Variants in CXXC4 observed in about 807,000 individuals in gnomAD.
CXXC4 encodes the protein CXXC-type zinc finger protein 4.
CXXC4 carries 5 observed loss-of-function variants against 20.5 expected under a neutral mutation model. The observed-to-expected ratio is 0.24, with a 90% confidence interval of 0.13 to 0.51. The LOEUF is 0.51. Ranked by LOEUF, CXXC4 falls within the 20% of genes least tolerant of loss-of-function variation. The pLI is 0.97. For missense variants in CXXC4, 419 were observed against 496.4 expected (o/e 0.84, Z 1.48); for synonymous variants, 250 against 216.4 (o/e 1.16, Z -1.36).
At chr4:104,473,114 GTAAT>G (rs1185032835) in intron 2 of CXXC4, among the ~76,000 whole-genome samples, 1 of 149,246 alleles carries the variant, frequency 6.7e-6, no homozygotes, top group African/African-American at 2.6e-5. Context: ...ATTCAGTTAA[GTAAT>G]TTATTCTGCA....
Position 104,472,141 on chromosome 4 carries a change from T to A in CXXC4, c.*181A>T. On this transcript the variant is annotated 3_prime_UTR_variant, in exon 3 of 3. Coordinates refer to ENST00000394767, the MANE Select transcript of CXXC4 (RefSeq NM_025212.4). The stretch of plus-strand genomic sequence containing the variant: ...CTGGCCAATTCTCCAAGCTCTCACA[T>A]TATTTTTATGTCTTTTTCTTTTCTT... 4.8e-6 allele frequency: 2 copies of A among 416,256 alleles called. No individual in the cohort carries two copies. Among genetic ancestry groups the A allele is most frequent in the Middle Eastern group, 6.5e-4 (1 of 1,532 alleles). The allele number at this position is 416,256 out of a possible 1,614,324, so 25.8% of individuals were successfully genotyped here. A position where few individuals can be genotyped will look rare whatever the true frequency, so the allele number is the denominator to read the frequency against.
intron 2 of CXXC4, among the ~76,000 whole-genome samples, chr4:104,480,869 C>T (rs994194536): frequency 2.4e-5 from 3 of 126,678 alleles, no homozygotes; most frequent in African/African-American, 1.1e-4. Context: ...TCCCTCCCTT[C>T]CTTCCTTCCT....
chr4:104,481,363 C>T (rs974196393), intron 2 of CXXC4, among the ~76,000 whole-genome samples: 7 of 152,138 alleles, frequency 4.6e-5, no homozygotes, highest in African/African-American at 1.7e-4. Flanking sequence ...AACCCCATCT[C>T]TACTAAAGAA....
intron 1 of CXXC4, 113 bp downstream of exon 1, chr4:104,494,588 C>G (rs1736991075): frequency 6.8e-6 from 1 of 147,060 alleles, no homozygotes; most frequent in Non-Finnish European, 1.5e-5. Context: ...CCCCCTAACA[C>G]AAAGAAACAC....
chr4:104,479,950 A>C (rs1166253056), intron 2 of CXXC4, among the ~76,000 whole-genome samples: 1 of 152,100 alleles, frequency 6.6e-6, no homozygotes, highest in Non-Finnish European at 1.5e-5. Context: ...TAAAATTGAA[A>C]AGTATACAGT....
rs762580453 is a variant in CXXC4, at chr4:104,491,026, G to A, written c.777C>T (p.Ser259=). 4.3e-6 allele frequency: 7 copies of A among 1,614,056 alleles called. No individual in the cohort carries two copies. The highest frequency in any genetic ancestry group is 3.3e-5 in the Admixed American group (2 of 60,024). ...PGVIVMTALH[S]PAAASAAVTD... is the part of the protein sequence containing the mutation. ...TGACGGCTGCTGAGGCTGCTGCGGG[G>A]GAGTGAAGGGCTGTCATGACGATGA... Residue 259 remains serine, a synonymous_variant, in exon 2 of 3, where the codon TCC becomes TCT. Coordinates refer to ENST00000394767, the MANE Select transcript of CXXC4 (RefSeq NM_025212.4).
At chr4:104,487,127 C>T (rs1462952514) in intron 2 of CXXC4, among the ~76,000 whole-genome samples, 2 of 152,034 alleles carry the variant, frequency 1.3e-5, no homozygotes, top group South Asian at 2.1e-4. Context: ...AAAATGGAAC[C>T]ATCCTTCTTC....
chr4:104,486,743 T>TG (rs1175172804), intron 2 of CXXC4, among the ~76,000 whole-genome samples: 2 of 152,142 alleles, frequency 1.3e-5, no homozygotes, highest in African/African-American at 4.8e-5. Context: ...ACCTCAGAAA[T>TG]GTATATGTTC....
At chr4:104,486,224 T>C (rs1578320842) in intron 2 of CXXC4, among the ~76,000 whole-genome samples, 1 of 152,152 alleles carries the variant, frequency 6.6e-6, no homozygotes, top group Non-Finnish European at 1.5e-5. Context: ...ATGTACGCTT[T>C]GTAAGTTTTT....
At chr4:104,476,986 T>C (rs1023466286) in intron 2 of CXXC4, among the ~76,000 whole-genome samples, 10 of 152,136 alleles carry the variant, frequency 6.6e-5, no homozygotes, top group Non-Finnish European at 1.2e-4. Context: ...GAAATATTGT[T>C]TTCACTATGA....
intron 2 of CXXC4, among the ~76,000 whole-genome samples, chr4:104,477,829 G>A (rs1175034191): frequency 3.3e-5 from 5 of 151,740 alleles, no homozygotes; most frequent in African/African-American, 9.7e-5. Context: ...TCCATATTAT[G>A]TCTGTAATGT....
chr4:104,478,384 A>G (rs561374960), intron 2 of CXXC4, among the ~76,000 whole-genome samples: 26 of 152,322 alleles, frequency 1.7e-4, no homozygotes, highest in Non-Finnish European at 2.2e-4. Context: ...TCATGAAAAC[A>G]GCTGTCCAAA....
intron 2 of CXXC4, among the ~76,000 whole-genome samples, chr4:104,475,498 C>G (rs908153921): frequency 6.6e-6 from 1 of 152,044 alleles, no homozygotes; most frequent in African/African-American, 2.4e-5. Flanking sequence ...TTTGTTTCAG[C>G]CAAGCTGGGT....
chr4:104,472,096 G>A lies in CXXC4; in HGVS notation c.*226C>T. On this transcript the variant is annotated 3_prime_UTR_variant, in exon 3 of 3. Coordinates refer to ENST00000394767, the MANE Select transcript of CXXC4 (RefSeq NM_025212.4). ...CTAAATTACATCAAAGAAAGAATCA[G>A]CGTATTGAAAGTAAATAGACTGGCC... 1 of 368,636 alleles carries A rather than the reference G, an allele frequency of 2.7e-6. No individual in the cohort carries two copies. Among genetic ancestry groups the A allele is most frequent in the Non-Finnish European group, 4.9e-6 (1 of 204,662 alleles). The allele number at this position is 368,636 out of a possible 1,614,324, so 22.8% of individuals were successfully genotyped here.
chr4:104,490,961 G>C lies in CXXC4; in HGVS notation c.842C>G (p.Pro281Arg), dbSNP rs1287908058. ...CGAGGAGGAGGAGGAATGATTCTGC[G>C]GGCAGTCTGCCAGATTGGCAATTTG... is the stretch of plus-strand genomic sequence containing the variant. ...AFQIANLADC[P>R]QNHSSSSSSS... The change falls in exon 2 of 3, where the codon CCG (proline) becomes CGG (arginine). Residue 281 changes from proline (P) to arginine (R), a missense_variant. Pro to Arg is a moderately radical substitution (Grantham distance 103). Transcript: ENST00000394767. 2 of 1,614,058 alleles carry C rather than the reference G, an allele frequency of 1.2e-6. No individual in the cohort carries two copies. The highest frequency in any genetic ancestry group is 1.1e-5 in the South Asian group (1 of 91,074).
chr4:104,478,818 GAAGT>G (rs745712235), intron 2 of CXXC4, among the ~76,000 whole-genome samples: 1 of 151,920 alleles, frequency 6.6e-6, no homozygotes, highest in Non-Finnish European at 1.5e-5. Context: ...AAGAAAATTA[GAAGT>G]AAAATTAAGA....
rs1560544401 is a variant in CXXC4, at chr4:104,491,198, G to C, written c.605C>G (p.Ser202Cys). The change falls in exon 2 of 3, where the codon TCC (serine) becomes TGC (cysteine). Residue 202 changes from serine (S) to cysteine (C), a missense_variant. By Grantham distance (112) the Ser-to-Cys change is moderately radical. Transcript: ENST00000394767. ...MANTNFLSTL[S>C]PEHCRPLAGE... ...CGCCAAAGGTCTGCAGTGTTCAGGGGATAAGGTGGAGAGGAAATTAGTATT... is the reference window on the plus strand; with the variant it reads ...CGCCAAAGGTCTGCAGTGTTCAGGGCATAAGGTGGAGAGGAAATTAGTATT... 1.2e-6 allele frequency: 2 copies of C among 1,613,812 alleles called. No individual in the cohort carries two copies. Among genetic ancestry groups the C allele is most frequent in the Admixed American group, 3.3e-5 (2 of 60,016 alleles).
In CXXC4 at chr4:104,494,731, GAGA is replaced by G. The variant is rs1257560606; in HGVS notation, c.-291_-289del. The G allele has an allele frequency of 3.4e-5, 5 of 145,674 alleles. No individual in the cohort carries two copies. Among genetic ancestry groups the G allele is most frequent in the African/African-American group, 1.0e-4 (4 of 39,698 alleles). 9.0% of individuals were successfully genotyped at this position (145,674 alleles called of 1,614,324 possible). A position where few individuals can be genotyped will look rare whatever the true frequency, so the allele number is the denominator to read the frequency against. ...AATGGCTTTTTTTTCTTGTTGCAGA[GAGA>G]AGGAGGAGGAGATGGTGTTAGTGGT... On this transcript the variant is annotated 5_prime_UTR_variant, in exon 1 of 3. Coordinates refer to ENST00000394767, the MANE Select transcript of CXXC4 (RefSeq NM_025212.4).
chr4:104,478,061 T>C (rs1159181097), intron 2 of CXXC4, among the ~76,000 whole-genome samples: 2 of 152,192 alleles, frequency 1.3e-5, no homozygotes. Flanking sequence ...AATATGATTT[T>C]AAGAAACATT....
Sources: gnomAD v4.1 joint callset for allele counts (sites outside exome capture counted in the v4.1 genomes callset) on GRCh38, gnomAD v4.1.1 for gene constraint, MANE v1.5 for transcripts, NCBI Gene and HGNC (gene_info 2026-07-23, HGNC 2026-07-21) for gene names.